Variants in PPP1R9A observed in about 807,000 individuals in gnomAD.
PPP1R9A encodes neurabin-1.
A neutral mutation model predicts 141.9 loss-of-function variants in PPP1R9A; 59 were observed. The ratio of observed to expected loss-of-function variants is 0.42; its 90% CI spans 0.34 to 0.52. The LOEUF is 0.52. PPP1R9A is among the 20% of genes least tolerant of loss of function. The pLI is 0.10. For synonymous variants in PPP1R9A, 500 were observed against 569.7 expected (o/e 0.88, Z 1.74); for missense variants, 1,444 against 1,611.9 (o/e 0.90, Z 1.78).
At chr7:95,070,888 C>T (rs1315268323) in intron 2 of PPP1R9A, among the ~76,000 whole-genome samples, 1 of 151,666 alleles carries the variant, frequency 6.6e-6, no homozygotes, top group Non-Finnish European at 1.5e-5. Context: ...TGAACAATGA[C>T]TTCTACTTTG....
chr7:95,118,536 T>G (rs960313683), intron 3 of PPP1R9A, among the ~76,000 whole-genome samples: 2 of 152,108 alleles, frequency 1.3e-5, no homozygotes, highest in African/African-American at 4.8e-5. Context: ...AGCAAACAAA[T>G]CACACTTTTG....
chr7:95,285,962 G>A (rs1361204113), intron 17 of PPP1R9A, among the ~76,000 whole-genome samples: 1 of 152,116 alleles, frequency 6.6e-6, no homozygotes, highest in Non-Finnish European at 1.5e-5. Context: ...TACCCTTGAA[G>A]AGCAATTGAA....
intron 5 of PPP1R9A, among the ~76,000 whole-genome samples, chr7:95,197,433 A>G (rs1836441893): frequency 6.6e-6 from 1 of 152,118 alleles, no homozygotes; most frequent in Non-Finnish European, 1.5e-5. Flanking sequence ...GGCTTTTTTT[A>G]TAGGCATTAA....
chr7:94,950,771 A>G (rs977022798), intron 2 of PPP1R9A, among the ~76,000 whole-genome samples: 11 of 152,072 alleles, frequency 7.2e-5, no homozygotes, highest in African/African-American at 2.7e-4. Flanking sequence ...TTCTGAGACA[A>G]GGTCTCACTT....
At chr7:95,012,466 A>G (rs1290680467) in intron 2 of PPP1R9A, among the ~76,000 whole-genome samples, 1 of 152,236 alleles carries the variant, frequency 6.6e-6, no homozygotes, top group East Asian at 1.9e-4. Context: ...GGGGATTACA[A>G]TTTCACATGA....
intron 1 of PPP1R9A, 72 bp downstream of exon 1, chr7:94,907,774 G>C (rs1187565384): frequency 6.6e-6 from 1 of 151,670 alleles, no homozygotes; most frequent in Non-Finnish European, 1.5e-5. Context: ...CCGCCGAAAC[G>C]GCCCGGCGTG....
intron 2 of PPP1R9A, among the ~76,000 whole-genome samples, chr7:95,034,494 G>A (rs116930468): frequency 0.022 from 3,338 of 151,866 alleles, 58 homozygotes; most frequent in Middle Eastern, 0.037. Context: ...TCAGCCTCCC[G>A]AATAGCTGGA....
intron 5 of PPP1R9A, among the ~76,000 whole-genome samples, chr7:95,171,183 A>G (rs186634025): frequency 2.0e-5 from 3 of 151,742 alleles, no homozygotes; most frequent in Non-Finnish European, 4.4e-5. Context: ...CAAAAAATGA[A>G]GAGATGTATA....
chr7:95,039,926 A>G (rs538535767), intron 2 of PPP1R9A, among the ~76,000 whole-genome samples: 2 of 152,298 alleles, frequency 1.3e-5, no homozygotes, highest in South Asian at 4.1e-4. Context: ...AATACCAGGT[A>G]GCATAAATAT....
chr7:94,910,293 C>T lies in PPP1R9A; in HGVS notation c.180C>T (p.Gly60=). 1 of 1,614,020 alleles carries T rather than the reference C, an allele frequency of 6.2e-7. No individual in the cohort carries two copies. Among genetic ancestry groups the T allele is most frequent in the Non-Finnish European group, 8.5e-7 (1 of 1,179,998 alleles). ...GSQQSRGRKY[G]SNVNRIKNLF... ...AGCAGAGCAGGGGGAGGAAATATGG[C>T]TCCAATGTCAACAGAATTAAAAACC... is the stretch of plus-strand genomic sequence containing the variant. Residue 60 remains glycine (G), a synonymous_variant, in exon 2 of 20, where the codon GGC becomes GGT. Coordinates refer to ENST00000433360, the MANE Select transcript of PPP1R9A (RefSeq NM_001166160.2). The surrounding 1 kb of genome is among the most constrained non-coding windows in gnomAD (Gnocchi z 4.5).
At position 95,292,087 on chromosome 7, in the gene PPP1R9A, T is replaced by A. The variant is rs980254039; in HGVS notation, c.*1784T>A. On this transcript the variant is annotated 3_prime_UTR_variant, in exon 20 of 20. Coordinates refer to ENST00000433360, the MANE Select transcript of PPP1R9A (RefSeq NM_001166160.2). ...ACCCTTCATTCAATCCTCAGAAACG[T>A]TGACATGAAGTAACATTGTGTTTTA... The A allele has an allele frequency of 6.6e-6, 1 of 152,202 alleles. No individual in the cohort carries two copies. Among genetic ancestry groups the A allele is most frequent in the Non-Finnish European group, 1.5e-5 (1 of 68,030 alleles). The allele number at this position is 152,202 out of a possible 1,614,324, so 9.4% of individuals were successfully genotyped here. A position where few individuals can be genotyped will look rare whatever the true frequency, so the allele number is the denominator to read the frequency against.
chr7:94,942,789 G>A (rs1795476471), intron 2 of PPP1R9A, among the ~76,000 whole-genome samples: 2 of 148,514 alleles, frequency 1.3e-5, no homozygotes, highest in South Asian at 4.3e-4. Flanking sequence ...GGGTGACAGA[G>A]CAAGACTGTC....
intron 2 of PPP1R9A, among the ~76,000 whole-genome samples, chr7:95,038,978 ACATAGC>A (rs1472483869): frequency 9.2e-5 from 14 of 152,280 alleles, no homozygotes; most frequent in African/African-American, 3.4e-4. Flanking sequence ...ACAGCCCAAC[ACATAGC>A]CAGCAGAACA....
intron 4 of PPP1R9A, among the ~76,000 whole-genome samples, chr7:95,148,290 A>G (rs1321447525): frequency 6.6e-6 from 1 of 152,188 alleles, no homozygotes; most frequent in East Asian, 1.9e-4. Context: ...AAAGATCGAT[A>G]TTTTTGATAA....
chr7:94,907,866 T>A (rs1415522790), intron 1 of PPP1R9A, 164 bp downstream of exon 1: 1 of 148,572 alleles, frequency 6.7e-6, no homozygotes, highest in Non-Finnish European at 1.5e-5. Context: ...GCGTCGCTGC[T>A]CGGGCCGCCG....
At chr7:94,913,679 A>T (rs1791721988) in intron 2 of PPP1R9A, among the ~76,000 whole-genome samples, 1 of 152,172 alleles carries the variant, frequency 6.6e-6, no homozygotes, top group African/African-American at 2.4e-5. Flanking sequence ...TCTACTGGTC[A>T]TGGTGGTGGC....
chr7:94,930,419 C>A (rs1269439882), intron 2 of PPP1R9A, among the ~76,000 whole-genome samples: 1 of 152,166 alleles, frequency 6.6e-6, no homozygotes, highest in Non-Finnish European at 1.5e-5. Context: ...CTCACTGCAA[C>A]CTCTGCCTCC....
At chr7:95,037,698 T>TGC (rs1292208904) in intron 2 of PPP1R9A, among the ~76,000 whole-genome samples, 3 of 152,080 alleles carry the variant, frequency 2.0e-5, no homozygotes, top group Non-Finnish European at 4.4e-5. Flanking sequence ...GCTGTGTGTG[T>TGC]GCGTGCGCGC....
chr7:94,957,222 T>C (rs1440886629), intron 2 of PPP1R9A, among the ~76,000 whole-genome samples: 1 of 152,156 alleles, frequency 6.6e-6, no homozygotes, highest in Non-Finnish European at 1.5e-5. Flanking sequence ...CCTCAGTCAC[T>C]CATGTGCTGT....
Sources: gnomAD v4.1 joint callset for allele counts (sites outside exome capture counted in the v4.1 genomes callset) on GRCh38, gnomAD v4.1.1 for gene constraint, Gnocchi (gnomAD v3.1) non-coding constraint, MANE v1.5 for transcripts, NCBI Gene and HGNC (gene_info 2026-07-23, HGNC 2026-07-21) for gene names.